CALN1: variants seen among roughly 807,000 people sequenced by gnomAD.
CALN1 encodes the protein calcium-binding protein 8.
A neutral mutation model predicts 30.6 loss-of-function variants in CALN1; 17 were observed. The observed-to-expected ratio is 0.56, with a 90% CI of 0.38 to 0.83. The LOEUF (loss-of-function observed/expected upper bound fraction) is 0.83, where lower values mean the gene tolerates loss of function less well. CALN1 is among the 40% of genes least tolerant of loss of function. CALN1 has a pLI of 0.00. For missense variants in CALN1, 291 were observed against 354.9 expected (o/e 0.82, Z 1.45); for synonymous variants, 156 against 131.4 (o/e 1.19, Z -1.28).
chr7:72,045,205 G>A (rs1053611018), intron 4 of CALN1, among the ~76,000 whole-genome samples: 1 of 152,158 alleles, frequency 6.6e-6, no homozygotes, highest in Non-Finnish European at 1.5e-5. Context: ...GTCTCTGCAG[G>A]CACTACTAGA....
At chr7:72,133,588 A>G (rs1232956923) in intron 3 of CALN1, among the ~76,000 whole-genome samples, 1 of 152,214 alleles carries the variant, frequency 6.6e-6, no homozygotes, top group Admixed American at 6.5e-5. Flanking sequence ...TAAAAGTTTG[A>G]CGATTATGGA....
chr7:72,386,817 T>C (rs1409706807), intron 2 of CALN1, among the ~76,000 whole-genome samples: 4 of 152,076 alleles, frequency 2.6e-5, no homozygotes, highest in East Asian at 1.9e-4. Flanking sequence ...AAAAAATAAA[T>C]TTAAGGGGTC....
At chr7:71,895,630 AG>A (rs1195516102) in intron 5 of CALN1, among the ~76,000 whole-genome samples, 1 of 152,218 alleles carries the variant, frequency 6.6e-6, no homozygotes, top group Admixed American at 6.5e-5. Context: ...CATTCATGCC[AG>A]GTGCCCAACA....
intron 4 of CALN1, among the ~76,000 whole-genome samples, chr7:72,081,954 G>A (rs1393666179): frequency 6.6e-6 from 1 of 152,016 alleles, no homozygotes; most frequent in Non-Finnish European, 1.5e-5. Context: ...TGGTAGACAT[G>A]GGCTTCAAGA....
chr7:72,443,080 A>T (rs930206498), intron 1 of CALN1, among the ~76,000 whole-genome samples: 4 of 152,250 alleles, frequency 2.6e-5, no homozygotes, highest in African/African-American at 4.8e-5. Flanking sequence ...ATTGAGCATT[A>T]TTAAGGGTTG....
At chr7:71,887,078 A>G (rs1200482482) in intron 5 of CALN1, among the ~76,000 whole-genome samples, 1 of 152,008 alleles carries the variant, frequency 6.6e-6, no homozygotes, top group African/African-American at 2.4e-5. Flanking sequence ...AATGTTGCAA[A>G]TGTGTGAAGG....
intron 5 of CALN1, among the ~76,000 whole-genome samples, chr7:72,008,846 G>A (rs1562972389): frequency 6.6e-6 from 1 of 151,830 alleles, no homozygotes; most frequent in East Asian, 1.9e-4. Flanking sequence ...AGTGGAGACG[G>A]GGTTTCACCA....
At chr7:72,050,819 G>A (rs1040366567) in intron 4 of CALN1, among the ~76,000 whole-genome samples, 16 of 151,862 alleles carry the variant, frequency 1.1e-4, no homozygotes, top group African/African-American at 3.9e-4. Context: ...GGGCTAACAT[G>A]GTGAAACCTC....
intron 4 of CALN1, among the ~76,000 whole-genome samples, chr7:72,052,504 A>C (rs897614779): frequency 4.0e-5 from 6 of 151,850 alleles, no homozygotes; most frequent in Admixed American, 2.6e-4. Context: ...CCCGAAGAAA[A>C]TCTGCTCTAT....
intron 2 of CALN1, among the ~76,000 whole-genome samples, chr7:72,369,613 G>A (rs1429470906): frequency 2.6e-5 from 4 of 151,904 alleles, no homozygotes; most frequent in East Asian, 3.9e-4. Flanking sequence ...CACCCACCTC[G>A]GCCTCCCAAA....
chr7:72,253,051 A>C (rs926944900), intron 3 of CALN1, among the ~76,000 whole-genome samples: 4 of 152,202 alleles, frequency 2.6e-5, no homozygotes, highest in African/African-American at 9.7e-5. Context: ...TCTGGAAGGG[A>C]TGAGAGCTGA....
chr7:72,069,962 G>A (rs2129537988), intron 4 of CALN1, among the ~76,000 whole-genome samples: 1 of 152,258 alleles, frequency 6.6e-6, no homozygotes, highest in Non-Finnish European at 1.5e-5. Flanking sequence ...GTCCTCACCA[G>A]GAGTGTCCCT....
the CALN1 span, among the ~76,000 whole-genome samples, chr7:72,452,162 G>A: frequency 6.6e-6 from 1 of 152,128 alleles, no homozygotes; most frequent in Non-Finnish European, 1.5e-5. Flanking sequence ...TATATTTTAT[G>A]AATATTTTGG....
chr7:72,363,348 C>A (rs1803676510), intron 2 of CALN1, among the ~76,000 whole-genome samples: 1 of 152,166 alleles, frequency 6.6e-6, no homozygotes, highest in Non-Finnish European at 1.5e-5. Context: ...AATCGATTCT[C>A]CGGCCTCAGC....
chr7:72,346,890 T>C (rs1004655175), intron 2 of CALN1, among the ~76,000 whole-genome samples: 2 of 152,096 alleles, frequency 1.3e-5, no homozygotes, highest in African/African-American at 2.4e-5. Context: ...ATGCACTCAA[T>C]AGATGTGGTT....
At chr7:72,479,298 A>G in the CALN1 span, among the ~76,000 whole-genome samples, 1 of 152,230 alleles carries the variant, frequency 6.6e-6, no homozygotes, top group Non-Finnish European at 1.5e-5. Context: ...CAAGACTTCT[A>G]TAACAAGATT....
intron 3 of CALN1, among the ~76,000 whole-genome samples, chr7:72,272,574 G>A (rs1459208293): frequency 6.6e-6 from 1 of 152,022 alleles, no homozygotes; most frequent in Non-Finnish European, 1.5e-5. Context: ...CGAAAAAAAA[G>A]AAAGAAAGAA....
intron 3 of CALN1, among the ~76,000 whole-genome samples, chr7:72,117,042 G>C (rs1336049593): frequency 6.6e-6 from 1 of 152,160 alleles, no homozygotes; most frequent in Non-Finnish European, 1.5e-5. Flanking sequence ...GCTGAGTGCA[G>C]CAGCTCATGC....
At chr7:72,439,329 G>C (rs1337590213) in intron 1 of CALN1, among the ~76,000 whole-genome samples, 2 of 152,170 alleles carry the variant, frequency 1.3e-5, no homozygotes, top group Non-Finnish European at 2.9e-5. Flanking sequence ...ACTATGCCCA[G>C]TCACATATGA....
Sources: gnomAD v4.1 joint callset for allele counts (sites outside exome capture counted in the v4.1 genomes callset) on GRCh38, gnomAD v4.1.1 for gene constraint, MANE v1.5 for transcripts, NCBI Gene and HGNC (gene_info 2026-07-23, HGNC 2026-07-21) for gene names.